OTUD6B: variants seen among roughly 807,000 people sequenced by gnomAD.
OTUD6B encodes the protein deubiquitinase OTUD6B.
OTUD6B carries 41 observed loss-of-function variants against 36.9 expected under a neutral mutation model. The ratio of observed to expected loss-of-function variants is 1.11; its 90% CI spans 0.87 to 1.44. OTUD6B has a LOEUF of 1.44. Among genes scored for constraint, OTUD6B ranks in the 40% most tolerant of loss-of-function variants. The pLI is 0.00. For synonymous variants in OTUD6B, 114 were observed against 114.2 expected, an observed-to-expected ratio of 1.00 and a Z score of 0.01; for missense variants, 356 against 344.8, an observed-to-expected ratio of 1.03 and a Z score of -0.26.
rs762390348 is a variant in OTUD6B, at chr8:91,070,411, T to G, written c.27T>G (p.Leu9=). MEAVLTEE[L]DEEEQLLRRH... ...TGGAGGCGGTATTGACCGAAGAGCTTGATGAGGAAGAGCAGCTGCTGAGAA... is the reference window on the plus strand; with the variant it reads ...TGGAGGCGGTATTGACCGAAGAGCTGGATGAGGAAGAGCAGCTGCTGAGAA... Residue 9 remains leucine (L), a synonymous_variant, in exon 1 of 7, where the codon CTT becomes CTG. Transcript: ENST00000404789. 5.0e-6 allele frequency: 8 copies of G among 1,602,192 alleles called. No homozygotes were observed. In the Admixed American group the frequency reaches 1.4e-4, roughly 28 times the overall value.
intron 3 of OTUD6B, 119 bp downstream of exon 3, chr8:91,074,030 C>A: frequency 1.7e-6 from 1 of 600,570 alleles, no homozygotes; most frequent in Non-Finnish European, 2.8e-6. Flanking sequence ...AGTTCCTTGT[C>A]TAGGCACTTG....
At chr8:91,082,830 C>T (rs539357876) in intron 5 of OTUD6B, among the ~76,000 whole-genome samples, 5 of 146,936 alleles carry the variant, frequency 3.4e-5, no homozygotes, top group African/African-American at 1.3e-4. Context: ...TGGCTCACTG[C>T]AACCTCTGCC....
rs1813002984 is a variant in OTUD6B at position 91,085,818 on chromosome 8, C to G, written c.*950C>G. ...AGACCACATTTACTTGAAATTCTTCCTCTTTTCTGATTTGTCTTACCAGAT... is the reference window on the plus strand; with the variant it reads ...AGACCACATTTACTTGAAATTCTTCGTCTTTTCTGATTTGTCTTACCAGAT... On this transcript the variant is annotated 3_prime_UTR_variant, in exon 7 of 7. Coordinates refer to ENST00000404789, the MANE Select transcript of OTUD6B (RefSeq NM_016023.5). 6.6e-6 allele frequency: 1 copy of G among 152,062 alleles called. No homozygotes were observed. Among genetic ancestry groups the G allele is most frequent in the African/African-American group, 2.4e-5 (1 of 41,426 alleles). The allele number at this position is 152,062 out of a possible 1,614,324, so 9.4% of individuals were successfully genotyped here.
chr8:91,082,006 A>G (rs1812916825), intron 5 of OTUD6B, among the ~76,000 whole-genome samples: 1 of 152,138 alleles, frequency 6.6e-6, no homozygotes, highest in Non-Finnish European at 1.5e-5. Flanking sequence ...TTTGAGGGAC[A>G]CTTATACATT....
rs567297614 is a variant in OTUD6B, at chr8:91,084,233, C to T, written c.797+119C>T. 2.6e-4 allele frequency: 162 copies of T among 626,724 alleles called. No homozygotes were observed. In the South Asian group the frequency reaches 3.4e-3, roughly 13 times the overall value. 38.8% of individuals were successfully genotyped at this position (626,724 alleles called of 1,614,324 possible). A position where few individuals can be genotyped will look rare whatever the true frequency, so the allele number is the denominator to read the frequency against. On this transcript the variant is annotated intron_variant, in intron 6 of 6. Transcript: ENST00000404789. Reference sequence around the variant, plus strand: ...CTTAGATAATTTTTTAAACCTCTAGCGATTTATTTTTGTGTGTGAGTTTAG... The same window carrying T: ...CTTAGATAATTTTTTAAACCTCTAGTGATTTATTTTTGTGTGTGAGTTTAG...
chr8:91,070,358 G>T lies in OTUD6B; in HGVS notation c.-27G>T, dbSNP rs779298097. 6 of 1,612,826 alleles carry T rather than the reference G, an allele frequency of 3.7e-6. No homozygotes were observed. The highest frequency in any genetic ancestry group is 5.1e-6 in the Non-Finnish European group (6 of 1,179,422). ...TACTAGCCGGTGCAGGTTTCTTCTA[G>T]CGCGTGTGCTGGGGTACCTGGTCGT... On this transcript the variant is annotated 5_prime_UTR_variant, in exon 1 of 7. Coordinates refer to ENST00000404789, the MANE Select transcript of OTUD6B (RefSeq NM_016023.5).
Position 91,086,497 on chromosome 8 carries a change from CT to C in OTUD6B, c.*1632del, listed in dbSNP as rs1318767860. 1 of 151,970 alleles carries C rather than the reference CT, an allele frequency of 6.6e-6. No individual in the cohort carries two copies. The highest frequency in any genetic ancestry group is 1.5e-5 in the Non-Finnish European group (1 of 67,950). 9.4% of individuals were successfully genotyped at this position (151,970 alleles called of 1,614,324 possible). ...AATTGAAATTGTAAAACACTAAATG[CT>C]TTGGGTTTATTTTGAAGTAATCTGT... is the stretch of plus-strand genomic sequence containing the variant. On this transcript the variant is annotated 3_prime_UTR_variant, in exon 7 of 7. Coordinates refer to ENST00000404789, the MANE Select transcript of OTUD6B (RefSeq NM_016023.5).
At position 91,085,055 on chromosome 8, in the gene OTUD6B, A is replaced by G. The variant is rs1812987834; in HGVS notation, c.*187A>G. ...ACTTTAACCAGTGTCTTCTTAGTGG[A>G]ATTTTAAAAATTTGTTAAGTTCATT... is the stretch of plus-strand genomic sequence containing the variant. On this transcript the variant is annotated 3_prime_UTR_variant, in exon 7 of 7. Transcript: ENST00000404789. 6.0e-6 allele frequency: 2 copies of G among 336,036 alleles called. No individual in the cohort carries two copies. The highest frequency in any genetic ancestry group is 2.2e-5 in the African/African-American group (1 of 46,270). The allele number at this position is 336,036 out of a possible 1,614,324, so 20.8% of individuals were successfully genotyped here.
At chr8:91,083,866 T>A in intron 5 of OTUD6B, 142 bp from the exon 6 acceptor site, 1 of 796,590 alleles carries the variant, frequency 1.3e-6, no homozygotes, top group Non-Finnish European at 1.8e-6. Flanking sequence ...CAGATATTTA[T>A]TAAGTGCCCA....
In OTUD6B at chr8:91,084,008, C is replaced by T; in HGVS notation, c.691C>T (p.Leu231=). ...NTAAWGGQLE[L]RALSHILQTP... is the part of the protein sequence containing the mutation. ...ACTGATACTTTTTTTCTTCCTATAGCTAAGAGCTCTGTCTCACATTTTACA... is the reference window on the plus strand; with the variant it reads ...ACTGATACTTTTTTTCTTCCTATAGTTAAGAGCTCTGTCTCACATTTTACA... The change falls in exon 6 of 7, where the codon CTA becomes TTA. Residue 231 remains leucine, a splice_region_variant and synonymous_variant. Coordinates refer to ENST00000404789, the MANE Select transcript of OTUD6B (RefSeq NM_016023.5). 1.9e-6 allele frequency: 3 copies of T among 1,559,558 alleles called. No homozygotes were observed. Among genetic ancestry groups the T allele is most frequent in the South Asian group, 2.4e-5 (2 of 82,338 alleles).
In OTUD6B at chr8:91,078,511, C is replaced by CT; in HGVS notation, c.472dup (p.Cys158LeufsTer4). 1 of 1,609,926 alleles carries CT rather than the reference C, an allele frequency of 6.2e-7. No homozygotes were observed. The highest frequency in any genetic ancestry group is 1.1e-5 in the South Asian group (1 of 90,304). ...TTAAACAGATTCCATCTGATGGCCA[C>CT]TGTATGTATAAAGCCATTGAAGATC... On this transcript the variant is annotated frameshift_variant, in exon 4 of 7. Coordinates refer to ENST00000404789, the MANE Select transcript of OTUD6B (RefSeq NM_016023.5). LOFTEE classifies it high-confidence loss of function.
intron 3 of OTUD6B, among the ~76,000 whole-genome samples, chr8:91,077,063 G>T (rs1332791314): frequency 6.6e-6 from 1 of 151,984 alleles, no homozygotes; most frequent in African/African-American, 2.4e-5. Context: ...TAGTGTTATG[G>T]AAGTCTTTAC....
intron 2 of OTUD6B, among the ~76,000 whole-genome samples, chr8:91,071,692 A>G (rs1586202347): frequency 6.6e-6 from 1 of 152,202 alleles, no homozygotes; most frequent in East Asian, 1.9e-4. Context: ...TGGTAGGGAA[A>G]TGAAATCACT....
chr8:91,071,001 G>A, intron 1 of OTUD6B, 137 bp from the exon 2 acceptor site: 3 of 1,400,056 alleles, frequency 2.1e-6, no homozygotes, highest in Non-Finnish European at 1.9e-6. Context: ...CTCTGTAGCT[G>A]CCTGTTACGT....
In OTUD6B at chr8:91,073,910, G is replaced by C. The variant is rs956700231; in HGVS notation, c.314G>C (p.Arg105Pro). The change falls in exon 3 of 7, where the codon CGG becomes CCG. Residue 105 changes from arginine (R) to proline (P), a missense_variant and splice_region_variant. Coordinates refer to ENST00000404789, the MANE Select transcript of OTUD6B (RefSeq NM_016023.5). ...PPRISKAQKR[R>P]EKKAALEKER... ...CGGATATCAAAAGCACAAAAGAGAC[G>C]GGTATGAAAGTCATGTCACCAAGTA... The C allele has an allele frequency of 1.3e-6, 2 of 1,582,024 alleles. No homozygotes were observed. The highest frequency in any genetic ancestry group is 1.2e-5 in the South Asian group (1 of 86,602).
chr8:91,071,023 C>T, intron 1 of OTUD6B, 115 bp from the exon 2 acceptor site: 2 of 1,450,102 alleles, frequency 1.4e-6, no homozygotes, highest in Non-Finnish European at 9.1e-7. Context: ...ATGACTCTTT[C>T]TTCCATAATT....
intron 2 of OTUD6B, among the ~76,000 whole-genome samples, chr8:91,071,505 C>T (rs1482650970): frequency 1.3e-5 from 2 of 152,022 alleles, no homozygotes; most frequent in Admixed American, 1.3e-4. Flanking sequence ...CCCGCCACTA[C>T]GCCCGGCTAA....
intron 1 of OTUD6B, 58 bp downstream of exon 1, chr8:91,070,524 G>GT (rs755799805): frequency 1.7e-4 from 250 of 1,513,934 alleles, no homozygotes; most frequent in Non-Finnish European, 2.1e-4. Flanking sequence ...AGGGCGCGTG[G>GT]CGGGTCGATT....
At chr8:91,072,070 A>G (rs779853092) in intron 2 of OTUD6B, among the ~76,000 whole-genome samples, 5 of 152,242 alleles carry the variant, frequency 3.3e-5, no homozygotes, top group Non-Finnish European at 7.3e-5. Flanking sequence ...ATGAAATTTT[A>G]CTGATGTTTC....
Sources: gnomAD v4.1 joint callset for allele counts (sites outside exome capture counted in the v4.1 genomes callset) on GRCh38, gnomAD v4.1.1 for gene constraint, MANE v1.5 for transcripts, NCBI Gene and HGNC (gene_info 2026-07-23, HGNC 2026-07-21) for gene names.